The following ZWINT variants were observed in gnomAD, a reference collection of about 807,000 sequenced individuals.
The protein encoded by ZWINT is ZW10 interacting kinetochore protein, also known as outer kinetochore KNL1 complex subunit ZWINT.
A neutral mutation model predicts 41.5 loss-of-function variants in ZWINT; 41 were observed. The observed-to-expected ratio is 0.99, with a 90% CI of 0.77 to 1.28. The LOEUF (loss-of-function observed/expected upper bound fraction) is 1.28. ZWINT is among the 50% of genes most tolerant of loss of function. The pLI is 0.00. For synonymous variants in ZWINT, 132 were observed against 126.8 expected (o/e 1.04, Z -0.28); for missense variants, 369 against 329.7 (o/e 1.12, Z -0.92).
Position 56,359,773 on chromosome 10 carries a change from C to A in ZWINT, c.337G>T (p.Gly113Cys). Residue 113 changes from glycine (G) to cysteine (C), a missense_variant, in exon 4 of 9, where the codon GGC (glycine) becomes TGC (cysteine). By Grantham distance (159) the Gly-to-Cys change is radical. Transcript: ENST00000373944. ...YREHVEAIKI[G>C]LTKALTQMEE... is the part of the protein sequence containing the mutation. Reference sequence around the variant, plus strand: ...ATCTGAGTCAGGGCCTTGGTGAGGCCAATTTTGATGGCCTCTACGTGCTCC... The same window carrying A: ...ATCTGAGTCAGGGCCTTGGTGAGGCAAATTTTGATGGCCTCTACGTGCTCC... 6.2e-7 allele frequency: 1 copy of A among 1,614,116 alleles called. No homozygotes were observed. Among genetic ancestry groups the A allele is most frequent in the Non-Finnish European group, 8.5e-7 (1 of 1,180,030 alleles).
In ZWINT at chr10:56,358,612, G is replaced by A. The variant is rs1838232132; in HGVS notation, c.736C>T (p.Pro246Ser). ...PDDKPQQPTRPQEQSTGDTMG... is the reference protein window; with the variant it reads ...PDDKPQQPTRSQEQSTGDTMG... ...GTGTCTCCTGTACTCTGCTCCTGGG[G>A]TCGAGTCGGCTGCTGGGGTTTATCA... The change falls in exon 7 of 9, where the codon CCC (proline) becomes TCC (serine). Residue 246 changes from proline to serine, a missense_variant. Physicochemically the swap from Pro to Ser is moderately conservative, Grantham distance 74 (BLOSUM62 -1). Coordinates refer to ENST00000373944, the MANE Select transcript of ZWINT (RefSeq NM_007057.4). 1.2e-6 allele frequency: 2 copies of A among 1,614,092 alleles called. No individual in the cohort carries two copies. Among genetic ancestry groups the A allele is most frequent in the Non-Finnish European group, 1.7e-6 (2 of 1,180,030 alleles).
chr10:56,358,459 C>A lies in ZWINT; in HGVS notation c.793G>T (p.Ala265Ser). 6.2e-7 allele frequency: 1 copy of A among 1,614,042 alleles called. No homozygotes were observed. The highest frequency in any genetic ancestry group is 8.5e-7 in the Non-Finnish European group (1 of 1,180,018). The change falls in exon 8 of 9, where the codon GCT becomes TCT. Residue 265 changes from alanine (A) to serine (S), a missense_variant and splice_region_variant. Transcript: ENST00000373944. ...TCTCCAGCAGGTTGTAGACCAACAG[C>A]CTTGGAGAAATACAGTATAGACAGT... Reference protein sequence around the residue: ...MGRDPGVSFKAVGLQPAGDVN... With the variant: ...MGRDPGVSFKSVGLQPAGDVN...
At chr10:56,359,086 T>A in intron 5 of ZWINT, 139 bp from the exon 6 acceptor site, 1 of 1,064,528 alleles carries the variant, frequency 9.4e-7, no homozygotes, top group Non-Finnish European at 1.3e-6. Flanking sequence ...CAGGGTGGAG[T>A]AGGGGCCTAG....
At position 56,359,758 on chromosome 10, in the gene ZWINT, G is replaced by C. The variant is rs1484124330; in HGVS notation, c.352C>G (p.Leu118Val). 1 of 1,614,028 alleles carries C rather than the reference G, an allele frequency of 6.2e-7. No individual in the cohort carries two copies. Among genetic ancestry groups the C allele is most frequent in the Admixed American group, 1.7e-5 (1 of 59,994 alleles). ...CTCTGGGCTTCCTCCATCTGAGTCA[G>C]GGCCTTGGTGAGGCCAATTTTGATG... ...EAIKIGLTKA[L>V]TQMEEAQRKR... Residue 118 changes from leucine to valine, a missense_variant, in exon 4 of 9, where the codon CTG becomes GTG. Physicochemically the swap from Leu to Val is conservative, Grantham distance 32 (BLOSUM62 1). Transcript: ENST00000373944.
Position 56,358,412 on chromosome 10 carries a change from A to G in ZWINT, c.*6T>C, listed in dbSNP as rs1838223317. ...ATCTTTCTCCATGCTGCTGTCCTCC[A>G]GGAAGTCATGGCAAATTTACATCTC... On this transcript the variant is annotated 3_prime_UTR_variant, in exon 8 of 9. Transcript: ENST00000373944. 1 of 1,614,158 alleles carries G rather than the reference A, an allele frequency of 6.2e-7. No homozygotes were observed. Among genetic ancestry groups the G allele is most frequent in the South Asian group, 1.1e-5 (1 of 91,078 alleles).
At chr10:56,360,464 T>A in intron 1 of ZWINT, 81 bp from the exon 2 acceptor site, 4 of 1,135,332 alleles carry the variant, frequency 3.5e-6, no homozygotes, top group Non-Finnish European at 3.9e-6. Flanking sequence ...CAAACAAATG[T>A]GGATGTGTAT....
rs191589201 is a variant in ZWINT, at chr10:56,360,274, G to A, written c.132+19C>T. 1.2e-5 allele frequency: 19 copies of A among 1,613,528 alleles called. No homozygotes were observed. The highest frequency in any genetic ancestry group is 5.3e-5 in the African/African-American group (4 of 75,044). On this transcript the variant is annotated intron_variant, in intron 2 of 8. Transcript: ENST00000373944. The stretch of plus-strand genomic sequence containing the variant: ...CCAGACCCTGGCTTCTGAAAGGCTC[G>A]CTCTCATCTTGTACATACCACCACA...
rs1838237803 is a variant in ZWINT at position 56,358,738 on chromosome 10, G to GT, written c.624-15dup. ...AAGGTCTGATACCTACAAAGAGGAG[G>GT]TAAGTGTGAAGGAAAGGAATCTCAG... is the stretch of plus-strand genomic sequence containing the variant. On this transcript the variant is annotated splice_polypyrimidine_tract_variant and intron_variant, in intron 6 of 8. Transcript: ENST00000373944. 6.2e-7 allele frequency: 1 copy of GT among 1,614,032 alleles called. No homozygotes were observed. Among genetic ancestry groups the GT allele is most frequent in the South Asian group, 1.1e-5 (1 of 91,074 alleles).
At chr10:56,359,380 C>T in intron 5 of ZWINT, 96 bp downstream of exon 5, 2 of 1,209,356 alleles carry the variant, frequency 1.7e-6, no homozygotes, top group Non-Finnish European at 2.3e-6. Flanking sequence ...TATAGTGCCT[C>T]AAAGGAGGAA....
intron 8 of ZWINT, 86 bp from the exon 9 acceptor site, chr10:56,358,271 A>G (rs2132102067): frequency 1.0e-6 from 1 of 981,550 alleles, no homozygotes; most frequent in Non-Finnish European, 1.6e-6. Context: ...CCCACCATCC[A>G]TCTGCTCCAT....
intron 2 of ZWINT, 74 bp from the exon 3 acceptor site, chr10:56,360,215 G>A (rs3861049): frequency 1 from 1,610,499 of 1,611,582 alleles, 804,711 homozygotes; most frequent in East Asian, 1. Context: ...CTCTCTGCCA[G>A]TGCTGCCCTG....
rs1284872746 is a variant in ZWINT, at chr10:56,360,009, C to A, written c.256+9G>T. 1.9e-6 allele frequency: 3 copies of A among 1,613,718 alleles called. No homozygotes were observed. Among genetic ancestry groups the A allele is most frequent in the African/African-American group, 2.7e-5 (2 of 74,906 alleles). On this transcript the variant is annotated intron_variant, in intron 3 of 8. Coordinates refer to ENST00000373944, the MANE Select transcript of ZWINT (RefSeq NM_007057.4). ...GGTCAGCTGCTACTACAATCCCCTG[C>A]CTACTCACGGCTCGTGTCTTCAGAA...
At chr10:56,359,593 G>A (rs557511244) in intron 4 of ZWINT, 61 bp from the exon 5 acceptor site, 1 of 1,577,780 alleles carries the variant, frequency 6.3e-7, no homozygotes, top group African/African-American at 1.4e-5. Context: ...AGAATTTTGG[G>A]AGATTGCAAG....
At position 56,358,028 on chromosome 10, in the gene ZWINT, C is replaced by T. The variant is rs1838210826; in HGVS notation, c.*199G>A. 7.4e-6 allele frequency: 4 copies of T among 544,142 alleles called. No homozygotes were observed. The highest frequency in any genetic ancestry group is 1.9e-5 in the African/African-American group (1 of 52,570). The allele number at this position is 544,142 out of a possible 1,614,324, so 33.7% of individuals were successfully genotyped here. ...TATCTGTATTAATAGTTGTTCCTGC[C>T]AGCATATGAAGATGAACAAATACAC... On this transcript the variant is annotated 3_prime_UTR_variant, in exon 9 of 9. Transcript: ENST00000373944.
Position 56,358,870 on chromosome 10 carries a change from G to A in ZWINT, c.558C>T (p.Asp186=), listed in dbSNP as rs149984887. ...GGTTTCCAAGTTTCTGAAACACCCT[G>A]TCAAGCTCCTGCTGAGTCCCTGTCT... ...ERKTGTQQEL[D]RVFQKLGNLK... The change falls in exon 6 of 9, where the codon GAC becomes GAT. Residue 186 remains aspartate (D), a synonymous_variant. Transcript: ENST00000373944. The A allele has an allele frequency of 1.7e-4, 278 of 1,614,016 alleles. 3 individuals carry two copies. In the South Asian group the frequency reaches 1.9e-3, roughly 11 times the overall value.
intron 1 of ZWINT, among the ~76,000 whole-genome samples, chr10:56,360,765 G>GCA (rs1216261896): frequency 6.6e-6 from 1 of 152,188 alleles, no homozygotes; most frequent in Non-Finnish European, 1.5e-5. Context: ...CTGGCGCTGA[G>GCA]CACCAGCCTT....
intron 5 of ZWINT, among the ~76,000 whole-genome samples, chr10:56,359,222 G>C (rs1212201449): frequency 6.6e-6 from 1 of 152,140 alleles, no homozygotes; most frequent in African/African-American, 2.4e-5. Flanking sequence ...TTGCTGTAAT[G>C]ATCATTTAAT....
At position 56,359,835 on chromosome 10, in the gene ZWINT, G is replaced by A; in HGVS notation, c.275C>T (p.Ala92Val). Residue 92 changes from alanine to valine, a missense_variant, in exon 4 of 9, where the codon GCT becomes GTT. By Grantham distance (64) the Ala-to-Val change is moderately conservative (BLOSUM62 0). Coordinates refer to ENST00000373944, the MANE Select transcript of ZWINT (RefSeq NM_007057.4). ...CTTCAGCTCTTTCCATTGTTCCTTAGCTGCAATTGCCTTCTGTCCTGAGAT... is the reference window on the plus strand; with the variant it reads ...CTTCAGCTCTTTCCATTGTTCCTTAACTGCAATTGCCTTCTGTCCTGAGAT... ...EDTSRQKAIA[A>V]KEQWKELKAT... 1 of 1,614,012 alleles carries A rather than the reference G, an allele frequency of 6.2e-7. No individual in the cohort carries two copies. The highest frequency in any genetic ancestry group is 2.2e-5 in the East Asian group (1 of 44,848).
Position 56,361,224 on chromosome 10 carries a change from C to T in ZWINT, c.13G>A (p.Glu5Lys), listed in dbSNP as rs1249519446. 1.2e-5 allele frequency: 19 copies of T among 1,612,816 alleles called. No homozygotes were observed. The highest frequency in any genetic ancestry group is 1.5e-5 in the Non-Finnish European group (18 of 1,179,920). The change falls in exon 1 of 9, where the codon GAG (glutamate) becomes AAG (lysine). Residue 5 changes from glutamate (E) to lysine (K), a missense_variant. Transcript: ENST00000373944. MEAA[E>K]TEAEAAALEV... ...AGGGCTGCAGCTTCCGCCTCTGTCT[C>T]CGCTGCCTCCATCTTTCCAGGCGCC...
Sources: gnomAD v4.1 joint callset for allele counts (sites outside exome capture counted in the v4.1 genomes callset) on GRCh38, gnomAD v4.1.1 for gene constraint, MANE v1.5 for transcripts, NCBI Gene and HGNC (gene_info 2026-07-23, HGNC 2026-07-21) for gene names.